The following SUPT3H variants were observed in gnomAD, a reference collection of about 807,000 sequenced individuals.
SUPT3H encodes the protein SPT3 homolog, SAGA and STAGA complex component.
SUPT3H carries 44 observed loss-of-function variants against 44.3 expected under a neutral mutation model. The ratio of observed to expected loss-of-function variants is 0.99; its 90% CI spans 0.78 to 1.28. SUPT3H has a LOEUF of 1.28. Among genes scored for constraint, SUPT3H ranks in the 50% most tolerant of loss-of-function variants. The probability of loss-of-function intolerance (pLI) is 0.00; values close to 1 mark genes in which losing one functional copy is unlikely to be tolerated. For missense variants in SUPT3H, 380 were observed against 387.1 expected, an observed-to-expected ratio of 0.98 and a Z score of 0.15; for synonymous variants, 124 against 125.6, an observed-to-expected ratio of 0.99 and a Z score of 0.09.
intron 2 of SUPT3H, among the ~76,000 whole-genome samples, chr6:45,247,088 C>A (rs1177167633): frequency 6.6e-6 from 1 of 152,140 alleles, no homozygotes; most frequent in Non-Finnish European, 1.5e-5. Context: ...CCCAATGGAT[C>A]CCACAGATGC....
At chr6:45,311,456 C>A (rs1251911863) in intron 2 of SUPT3H, among the ~76,000 whole-genome samples, 1 of 151,970 alleles carries the variant, frequency 6.6e-6, no homozygotes, top group East Asian at 1.9e-4. Context: ...ACAAGAAGCA[C>A]AAAAAAACAC....
At chr6:45,077,626 C>CAAAAAAAAAAAAAAAAAAAAAAAA (rs70993493) in intron 3 of SUPT3H, among the ~76,000 whole-genome samples, 8 of 34,006 alleles carry the variant, frequency 2.4e-4, no homozygotes, top group East Asian at 8.8e-4. Flanking sequence ...GACCTTGTTT[C>CAAAAAAAAAAAAAAAAAAAAAAAA]AAAAAAAAAA....
chr6:45,283,483 C>G (rs1229197502), intron 2 of SUPT3H, among the ~76,000 whole-genome samples: 1 of 151,944 alleles, frequency 6.6e-6, no homozygotes, highest in African/African-American at 2.4e-5. Context: ...TCAAAAGAGA[C>G]AAAGAAGGCC....
intron 2 of SUPT3H, among the ~76,000 whole-genome samples, chr6:45,342,628 A>G (rs1790030423): frequency 6.6e-6 from 1 of 152,178 alleles, no homozygotes; most frequent in Non-Finnish European, 1.5e-5. Context: ...CAGTCATAAT[A>G]TAAGGTTTAC....
In SUPT3H at chr6:45,000,697, G is replaced by A. The variant is rs185515405; in HGVS notation, c.504+2956C>T. On this transcript the variant is annotated intron_variant, in intron 6 of 10. Transcript: ENST00000371459. Reference sequence around the variant, plus strand: ...CAACAAATTTTAAGCTGCCTTAAATGTTATGTATATCACTCTGCTTTCTCT... The same window carrying A: ...CAACAAATTTTAAGCTGCCTTAAATATTATGTATATCACTCTGCTTTCTCT... Among the ~76,000 whole-genome samples, 12 of 152,156 alleles carry A rather than the reference G, an allele frequency of 7.9e-5. No individual in the cohort carries two copies. In the East Asian group the frequency reaches 1.5e-3, roughly 20 times the overall value.
chr6:44,990,176 C>A (rs969752200), intron 6 of SUPT3H, among the ~76,000 whole-genome samples: 1 of 145,292 alleles, frequency 6.9e-6, no homozygotes, highest in African/African-American at 2.4e-5. Context: ...GATAAGGATT[C>A]AATTTCATTT....
chr6:45,303,137 TAAA>T (rs1484406385), intron 2 of SUPT3H, among the ~76,000 whole-genome samples: 26 of 152,114 alleles, frequency 1.7e-4, no homozygotes, highest in Non-Finnish European at 3.2e-4. Context: ...ATCAAGGACT[TAAA>T]TATAAAACCT....
At chr6:45,103,716 G>A (rs1798901945) in intron 3 of SUPT3H, among the ~76,000 whole-genome samples, 1 of 152,086 alleles carries the variant, frequency 6.6e-6, no homozygotes, top group Non-Finnish European at 1.5e-5. Flanking sequence ...TAAAACTTAT[G>A]GCTGAAAACT....
intron 2 of SUPT3H, among the ~76,000 whole-genome samples, chr6:45,227,830 C>T (rs1181760241): frequency 6.6e-6 from 1 of 152,170 alleles, no homozygotes; most frequent in Non-Finnish European, 1.5e-5. Context: ...TAAAAACACA[C>T]TAAGCCCATT....
At chr6:45,111,877 C>T (rs1209357560) in intron 2 of SUPT3H, among the ~76,000 whole-genome samples, 1 of 152,010 alleles carries the variant, frequency 6.6e-6, no homozygotes, top group East Asian at 1.9e-4. Context: ...GGATGAAGTT[C>T]ACAGGGCTTG....
intron 2 of SUPT3H, among the ~76,000 whole-genome samples, chr6:45,182,610 G>A (rs1007109681): frequency 4.6e-5 from 7 of 152,122 alleles, no homozygotes; most frequent in African/African-American, 1.7e-4. Context: ...TAGGTTCACT[G>A]CAAAAGGTTT....
intron 3 of SUPT3H, among the ~76,000 whole-genome samples, chr6:45,103,903 A>C (rs548996985): frequency 8.5e-5 from 13 of 152,298 alleles, no homozygotes; most frequent in African/African-American, 3.1e-4. Flanking sequence ...ACAGAAACTA[A>C]TGTAGGTCAG....
chr6:45,056,515 A>G (rs1198265802), intron 3 of SUPT3H, among the ~76,000 whole-genome samples: 1 of 152,196 alleles, frequency 6.6e-6, no homozygotes, highest in African/African-American at 2.4e-5. Flanking sequence ...AAACAAAATA[A>G]TGCAGCATTT....
At chr6:45,145,298 T>A (rs1003674776) in intron 2 of SUPT3H, among the ~76,000 whole-genome samples, 1 of 152,072 alleles carries the variant, frequency 6.6e-6, no homozygotes, top group African/African-American at 2.4e-5. Flanking sequence ...CGAAACAACA[T>A]GGTACTGCTA....
At chr6:45,178,203 C>CA (rs1812375492) in intron 2 of SUPT3H, among the ~76,000 whole-genome samples, 1 of 151,764 alleles carries the variant, frequency 6.6e-6, no homozygotes, top group African/African-American at 2.4e-5. Context: ...CACATAGGCT[C>CA]AAATAAAAGG....
intron 10 of SUPT3H, among the ~76,000 whole-genome samples, chr6:44,927,368 A>T (rs574014823): frequency 1.4e-4 from 22 of 152,290 alleles, no homozygotes; most frequent in Admixed American, 2.6e-4. Flanking sequence ...ATTTTCTAAC[A>T]GTAGCATTTC....
intron 2 of SUPT3H, among the ~76,000 whole-genome samples, chr6:45,321,452 G>A (rs956434706): frequency 3.9e-5 from 6 of 152,098 alleles, no homozygotes; most frequent in African/African-American, 1.4e-4. Flanking sequence ...TTTATTTTAT[G>A]AATGTATTTA....
intron 5 of SUPT3H, among the ~76,000 whole-genome samples, chr6:45,004,228 C>T (rs1782395831): frequency 6.6e-6 from 1 of 151,660 alleles, no homozygotes; most frequent in Admixed American, 6.6e-5. Flanking sequence ...AAATACAGCT[C>T]AAGACCAAAA....
In SUPT3H at chr6:44,967,776, T is replaced by G. The variant is rs573342103; in HGVS notation, c.505-5948A>C. Reference sequence around the variant, plus strand: ...CCAAGATGAGAGTATCTGCTCTCACTTCTACTTCAACATTTTTTTCATTTC... The same window carrying G: ...CCAAGATGAGAGTATCTGCTCTCACGTCTACTTCAACATTTTTTTCATTTC... On this transcript the variant is annotated intron_variant, in intron 6 of 10. Transcript: ENST00000371459. Among the ~76,000 whole-genome samples the G allele has an allele frequency of 1.6e-3, 243 of 152,256 alleles. 1 individual carries two copies. The highest frequency in any genetic ancestry group is 1.3e-3 in the Non-Finnish European group (86 of 68,010).
Sources: allele counts gnomAD v4.1 joint callset (sites outside exome capture counted in the v4.1 genomes callset), GRCh38; gene constraint gnomAD v4.1.1; transcripts MANE v1.5; gene names NCBI Gene and HGNC (gene_info 2026-07-23, HGNC 2026-07-21).